The following NELL1 variants were observed in gnomAD, a reference collection of about 807,000 sequenced individuals.
NELL1 encodes protein kinase C-binding protein NELL1.
A neutral mutation model predicts 107.4 loss-of-function variants in NELL1; 76 were observed. The observed-to-expected ratio is 0.71, with a 90% CI of 0.59 to 0.86. NELL1 has a LOEUF of 0.86. Ranked by LOEUF, NELL1 falls within the 40% of genes least tolerant of loss-of-function variation. NELL1 has a pLI of 0.00. For missense variants in NELL1, 1,024 were observed against 1,005.5 expected (o/e 1.02, Z -0.25); for synonymous variants, 353 against 341.2 (o/e 1.03, Z -0.38).
At position 20,694,320 on chromosome 11, in the gene NELL1, C is replaced by G. The variant is rs907098962; in HGVS notation, c.184+16260C>G. ...TTTTCTTGTGATTGCTTTTGAGGTA[C>G]TAGCCATAAATTCTTTGTCAAAGCT... On this transcript the variant is annotated intron_variant, in intron 2 of 19. Transcript: ENST00000357134. 9.2e-5 allele frequency among the ~76,000 whole-genome samples: 14 copies of G among 152,046 alleles called. No individual in the cohort carries two copies. The South Asian group carries it at 1.2e-3, about 14-fold the overall frequency.
chr11:21,083,750 G>C (rs868158842), intron 12 of NELL1, among the ~76,000 whole-genome samples: 20 of 152,276 alleles, frequency 1.3e-4, no homozygotes, highest in Non-Finnish European at 2.5e-4. Flanking sequence ...GTGTTCATCT[G>C]TCATTCAACT....
intron 14 of NELL1, among the ~76,000 whole-genome samples, chr11:21,369,231 T>C (rs889577636): frequency 6.6e-6 from 1 of 152,084 alleles, no homozygotes; most frequent in Non-Finnish European, 1.5e-5. Context: ...AAAAACACTT[T>C]ACTGTTCTTT....
At chr11:21,505,294 T>C (rs1855252265) in intron 15 of NELL1, among the ~76,000 whole-genome samples, 1 of 152,178 alleles carries the variant, frequency 6.6e-6, no homozygotes, top group Admixed American at 6.6e-5. Context: ...GCTACTAATC[T>C]ATAAATTTAT....
chr11:20,828,920 A>G (rs1220120430), intron 3 of NELL1, among the ~76,000 whole-genome samples: 1 of 152,186 alleles, frequency 6.6e-6, no homozygotes, highest in Non-Finnish European at 1.5e-5. Flanking sequence ...TTTTATTGGG[A>G]AAAAACTATG....
chr11:21,242,002 C>T (rs1858374801), intron 14 of NELL1, among the ~76,000 whole-genome samples: 2 of 149,944 alleles, frequency 1.3e-5, no homozygotes, highest in African/African-American at 4.9e-5. Flanking sequence ...ATAAACCAGT[C>T]AAATGACCTA....
intron 15 of NELL1, among the ~76,000 whole-genome samples, chr11:21,453,199 A>G (rs1853631364): frequency 6.6e-6 from 1 of 152,138 alleles, no homozygotes; most frequent in African/African-American, 2.4e-5. Flanking sequence ...AACTGCTGAT[A>G]GAACAGTCTT....
intron 12 of NELL1, among the ~76,000 whole-genome samples, chr11:21,096,475 T>C (rs1475730918): frequency 6.6e-6 from 1 of 152,132 alleles, no homozygotes; most frequent in Non-Finnish European, 1.5e-5. Flanking sequence ...TCTTCCTTCC[T>C]CATACAAAAC....
At chr11:21,544,046 A>G (rs908424685) in intron 16 of NELL1, among the ~76,000 whole-genome samples, 1 of 152,036 alleles carries the variant, frequency 6.6e-6, no homozygotes. Flanking sequence ...CCTAATGGCA[A>G]CTATGACTAG....
chr11:21,218,842 A>G (rs1477541415), intron 13 of NELL1, among the ~76,000 whole-genome samples: 1 of 152,202 alleles, frequency 6.6e-6, no homozygotes, highest in Non-Finnish European at 1.5e-5. Flanking sequence ...ATTACTTTGT[A>G]GTATTCCATT....
At chr11:21,111,332 C>A (rs905629877) in intron 12 of NELL1, among the ~76,000 whole-genome samples, 1 of 152,088 alleles carries the variant, frequency 6.6e-6, no homozygotes, top group African/African-American at 2.4e-5. Context: ...ATGATGCTTT[C>A]CATTTCTAAC....
chr11:21,314,747 T>C (rs76144849), intron 14 of NELL1, among the ~76,000 whole-genome samples: 3,625 of 152,222 alleles, frequency 0.024, 147 homozygotes, highest in African/African-American at 0.084. Context: ...TACTTAAGAG[T>C]AATGGGAAGC....
chr11:21,078,713 A>G (rs1400015883), intron 12 of NELL1, among the ~76,000 whole-genome samples: 1 of 152,108 alleles, frequency 6.6e-6, no homozygotes, highest in Non-Finnish European at 1.5e-5. Context: ...ATTATGTCAT[A>G]CCTGCAATAT....
chr11:20,879,754 C>T (rs1023200104), intron 4 of NELL1, among the ~76,000 whole-genome samples: 12 of 151,990 alleles, frequency 7.9e-5, no homozygotes, highest in African/African-American at 2.9e-4. Flanking sequence ...CAAAGAATTA[C>T]ATTTTTGGAA....
chr11:21,164,515 A>T (rs976481263), intron 13 of NELL1, among the ~76,000 whole-genome samples: 4 of 152,158 alleles, frequency 2.6e-5, no homozygotes, highest in African/African-American at 9.7e-5. Context: ...AGTGACATTT[A>T]TTGGCTAAGT....
intron 14 of NELL1, among the ~76,000 whole-genome samples, chr11:21,327,191 G>T (rs1198735152): frequency 1.0e-5 from 1 of 99,996 alleles, no homozygotes. Context: ...GGGGGGGACT[G>T]TTGTGGGGTG....
At position 20,813,982 on chromosome 11, in the gene NELL1, A is replaced by AATTT. The variant is rs530594768; in HGVS notation, c.335+30173_335+30176dup. The stretch of plus-strand genomic sequence containing the variant: ...TTATTTATTTTGTTATTTATAAATA[A>AATTT]ATTTATTTATTTATTTATTTATTTT... On this transcript the variant is annotated intron_variant, in intron 3 of 19. Coordinates refer to ENST00000357134, the MANE Select transcript of NELL1 (RefSeq NM_006157.5). Among the ~76,000 whole-genome samples the AATTT allele has an allele frequency of 4.0e-3, 607 of 151,178 alleles. 3 individuals are homozygous for AATTT. The highest frequency in any genetic ancestry group is 0.021 in the East Asian group (107 of 5,172).
intron 12 of NELL1, among the ~76,000 whole-genome samples, chr11:21,097,360 G>A (rs1854670548): frequency 6.6e-6 from 1 of 152,204 alleles, no homozygotes; most frequent in Non-Finnish European, 1.5e-5. Context: ...GCAGAAGGGT[G>A]CCACTCGCAT....
chr11:20,743,392 A>C (rs943371162), intron 2 of NELL1, among the ~76,000 whole-genome samples: 1 of 152,080 alleles, frequency 6.6e-6, no homozygotes, highest in African/African-American at 2.4e-5. Context: ...TTTCTGACTA[A>C]AACCTATTTG....
intron 15 of NELL1, among the ~76,000 whole-genome samples, chr11:21,487,300 A>G (rs140325755): frequency 3.0e-4 from 46 of 152,320 alleles, no homozygotes; most frequent in African/African-American, 1.1e-3. Flanking sequence ...GAATGAGATG[A>G]CATATTCAAT....
Sources: gnomAD v4.1 joint callset for allele counts (sites outside exome capture counted in the v4.1 genomes callset) on GRCh38, gnomAD v4.1.1 for gene constraint, MANE v1.5 for transcripts, NCBI Gene and HGNC (gene_info 2026-07-23, HGNC 2026-07-21) for gene names.